The following USP12 variants were observed in gnomAD, a reference collection of about 807,000 sequenced individuals.
USP12 encodes the protein ubiquitin specific peptidase 12, also known as ubiquitin carboxyl-terminal hydrolase 12.
USP12 carries 19 observed loss-of-function variants against 45.5 expected under a neutral mutation model. The ratio of observed to expected loss-of-function variants is 0.42; its 90% CI spans 0.29 to 0.61. The LOEUF is 0.61. Ranked by LOEUF, USP12 falls within the 20% of genes least tolerant of loss-of-function variation. USP12 has a pLI of 0.22. For missense variants in USP12, 242 were observed against 447.7 expected, an observed-to-expected ratio of 0.54 and a Z score of 4.15; for synonymous variants, 149 against 148.8, an observed-to-expected ratio of 1.00 and a Z score of -0.01.
intron 1 of USP12, among the ~76,000 whole-genome samples, chr13:27,118,578 A>G (rs936168528): frequency 1.3e-5 from 2 of 152,176 alleles, no homozygotes; most frequent in Non-Finnish European, 2.9e-5. Flanking sequence ...AGTCCCTGAC[A>G]TATGTTGAAA....
chr13:27,117,618 T>C (rs1391549863), intron 1 of USP12: 2 of 289,786 alleles, frequency 6.9e-6, no homozygotes, highest in African/African-American at 4.4e-5. Flanking sequence ...AACACCAACG[T>C]GTGTGTGTGT....
intron 1 of USP12, among the ~76,000 whole-genome samples, chr13:27,159,485 A>AG (rs1878005324): frequency 6.6e-6 from 1 of 152,218 alleles, no homozygotes; most frequent in African/African-American, 2.4e-5. Flanking sequence ...TTTCTCAACT[A>AG]GGCCACACCT....
intron 6 of USP12, among the ~76,000 whole-genome samples, chr13:27,082,105 G>A (rs1438170874): frequency 6.6e-6 from 1 of 152,210 alleles, no homozygotes; most frequent in Non-Finnish European, 1.5e-5. Context: ...CCTGTCCTTT[G>A]AAGCTGGGCG....
At chr13:27,078,917 G>A (rs531648774) in intron 6 of USP12, among the ~76,000 whole-genome samples, 3 of 151,464 alleles carry the variant, frequency 2.0e-5, no homozygotes, top group Non-Finnish European at 2.9e-5. Context: ...AAGTTCAACC[G>A]AAACATTCAC....
At chr13:27,080,359 G>C (rs1873693732) in intron 6 of USP12, among the ~76,000 whole-genome samples, 1 of 152,186 alleles carries the variant, frequency 6.6e-6, no homozygotes, top group Non-Finnish European at 1.5e-5. Flanking sequence ...ATAAGATATG[G>C]ATCTAGTTAG....
chr13:27,086,194 AAAAATATAT>A (rs1335076446), intron 6 of USP12, among the ~76,000 whole-genome samples: 2 of 93,038 alleles, frequency 2.1e-5, no homozygotes, highest in African/African-American at 8.2e-5. Flanking sequence ...AAAAAAAAAA[AAAAATATAT>A]ATATATATAT....
chr13:27,074,701 T>C (rs556534487), intron 7 of USP12, among the ~76,000 whole-genome samples: 1 of 152,256 alleles, frequency 6.6e-6, no homozygotes, highest in African/African-American at 2.4e-5. Context: ...GTATACCATG[T>C]TGGAAAAGAA....
chr13:27,142,137 G>GAC lies in USP12; in HGVS notation c.49-25543_49-25542dup, dbSNP rs371104703. Among the ~76,000 whole-genome samples the GAC allele has an allele frequency of 3.3e-5, 5 of 151,912 alleles. No individual in the cohort carries two copies. The South Asian group carries it at 6.2e-4, about 19-fold the overall frequency. ...ACTCTGTCTCAAAAACACACACACA[G>GAC]ACACACACACACGCAATGACAGTGA... is the stretch of plus-strand genomic sequence containing the variant. On this transcript the variant is annotated intron_variant, in intron 1 of 8. Coordinates refer to ENST00000282344, the MANE Select transcript of USP12 (RefSeq NM_182488.4).
chr13:27,152,669 G>A (rs540216029), intron 1 of USP12, among the ~76,000 whole-genome samples: 32 of 152,130 alleles, frequency 2.1e-4, no homozygotes, highest in East Asian at 3.9e-4. Flanking sequence ...TGTGCCGGGC[G>A]TGGTGGCTCC....
At chr13:27,104,508 T>C (rs777921413) in intron 3 of USP12, among the ~76,000 whole-genome samples, 30 of 152,126 alleles carry the variant, frequency 2.0e-4, no homozygotes, top group Non-Finnish European at 1.6e-4. Context: ...TATTTGATTT[T>C]CTAAAAAAAC....
At position 27,105,714 on chromosome 13, in the gene USP12, G is replaced by A. The variant is rs555230005; in HGVS notation, c.343+17C>T. 3 of 1,607,518 alleles carry A rather than the reference G, an allele frequency of 1.9e-6. No individual in the cohort carries two copies. The Admixed American group carries it at 5.0e-5, about 27-fold the overall frequency. Reference sequence around the variant, plus strand: ...ACCTTCCTAGTATGTCATTAATACAGTGGGAAGTAGAATTACCATTTTCTT... The same window carrying A: ...ACCTTCCTAGTATGTCATTAATACAATGGGAAGTAGAATTACCATTTTCTT... On this transcript the variant is annotated intron_variant, in intron 3 of 8. Transcript: ENST00000282344.
chr13:27,089,703 A>C, intron 6 of USP12, 180 bp downstream of exon 6: 1 of 593,366 alleles, frequency 1.7e-6, no homozygotes, highest in Non-Finnish European at 2.9e-6. Context: ...CAGTTTTTGT[A>C]AAATAAACAT....
chr13:27,103,766 A>C (rs1178681991), intron 3 of USP12, among the ~76,000 whole-genome samples: 1 of 148,076 alleles, frequency 6.8e-6, no homozygotes, highest in Non-Finnish European at 1.5e-5. Context: ...AAAAAAAGAG[A>C]GAGAGACAGA....
At position 27,095,788 on chromosome 13, in the gene USP12, A is replaced by G; in HGVS notation, c.386T>C (p.Leu129Ser). The change falls in exon 4 of 9, where the codon TTA (leucine) becomes TCA (serine). Residue 129 changes from leucine (L) to serine (S), a missense_variant. This residue lies in a region of USP12 where 77 missense variants were observed against 153.7 expected (regional missense o/e 0.50). Transcript: ENST00000282344. ...NYMQQDAHEFLNYLLNTIADI... is the reference protein window; with the variant it reads ...NYMQQDAHEFSNYLLNTIADI... ...AGCAATTGTATTTAGTAGGTAATTTAAGAATTCATGGGCATCTTGTTGCAT... is the reference window on the plus strand; with the variant it reads ...AGCAATTGTATTTAGTAGGTAATTTGAGAATTCATGGGCATCTTGTTGCAT... The G allele has an allele frequency of 6.2e-7, 1 of 1,611,492 alleles. No homozygotes were observed.
At chr13:27,070,145 C>T (rs78451070) in intron 8 of USP12, among the ~76,000 whole-genome samples, 1 of 152,046 alleles carries the variant, frequency 6.6e-6, no homozygotes, top group African/African-American at 2.4e-5. Context: ...CTACTATTAC[C>T]GCAGGCAACA....
chr13:27,112,393 C>T (rs925027566), intron 2 of USP12, among the ~76,000 whole-genome samples: 1 of 151,522 alleles, frequency 6.6e-6, no homozygotes, highest in African/African-American at 2.4e-5. Context: ...TCAAGATCCT[C>T]CCACCTCAGT....
intron 1 of USP12, among the ~76,000 whole-genome samples, chr13:27,119,292 A>G (rs1249698755): frequency 1.3e-5 from 2 of 152,234 alleles, no homozygotes; most frequent in Admixed American, 6.5e-5. Context: ...ACAAGAGCCA[A>G]TTCCATGAAG....
At chr13:27,171,280 G>A (rs555301749) in intron 1 of USP12, among the ~76,000 whole-genome samples, 2 of 149,988 alleles carry the variant, frequency 1.3e-5, no homozygotes, top group Admixed American at 6.6e-5. Context: ...GACCCCAGCA[G>A]TTCAGCCGGG....
intron 1 of USP12, among the ~76,000 whole-genome samples, chr13:27,146,391 G>C (rs1877309003): frequency 6.6e-6 from 1 of 152,130 alleles, no homozygotes; most frequent in South Asian, 2.1e-4. Flanking sequence ...AATAAAGCCA[G>C]ACTCTGTCTC....
Sources: gnomAD v4.1 joint callset for allele counts (sites outside exome capture counted in the v4.1 genomes callset) on GRCh38, gnomAD v4.1.1 for gene constraint, gnomAD v4.1.1 regional missense constraint, MANE v1.5 for transcripts, NCBI Gene and HGNC (gene_info 2026-07-23, HGNC 2026-07-21) for gene names.